The following RAB38 variants were observed in gnomAD, a reference collection of about 807,000 sequenced individuals.
RAB38 encodes RAB38, member RAS oncogene family.
In RAB38, 15 loss-of-function variants were observed where a neutral mutation model predicts 18.4. That is an observed-to-expected ratio of 0.82 (90% CI 0.55 to 1.26). The LOEUF (loss-of-function observed/expected upper bound fraction) is 1.26, where lower values mean the gene tolerates loss of function less well. Among genes scored for constraint, RAB38 ranks in the 50% most tolerant of loss-of-function variants. The pLI is 0.00. For missense variants in RAB38, 294 were observed against 267.4 expected (o/e 1.10, Z -0.69); for synonymous variants, 101 against 104.4 (o/e 0.97, Z 0.20).
chr11:87,835,642 TAGTC>T, the RAB38 span, among the ~76,000 whole-genome samples: 1 of 152,148 alleles, frequency 6.6e-6, no homozygotes, highest in East Asian at 1.9e-4. Context: ...AATTTTGTCA[TAGTC>T]ATATACAGAG....
the RAB38 span, among the ~76,000 whole-genome samples, chr11:88,037,499 C>T: frequency 6.6e-6 from 1 of 152,014 alleles, no homozygotes; most frequent in African/African-American, 2.4e-5. Context: ...CTTGGAAGTG[C>T]ACTTTTATAA....
At chr11:87,934,389 A>C in the RAB38 span, among the ~76,000 whole-genome samples, 1 of 152,150 alleles carries the variant, frequency 6.6e-6, no homozygotes, top group Non-Finnish European at 1.5e-5. Context: ...ATGTCATCAT[A>C]ACAGATTGGA....
intron 2 of RAB38, among the ~76,000 whole-genome samples, chr11:88,137,603 G>T (rs1420418472): frequency 1.3e-5 from 2 of 152,098 alleles, no homozygotes; most frequent in Non-Finnish European, 2.9e-5. Context: ...CACCAAACTA[G>T]GAGTTTCATA....
At chr11:87,974,917 G>C in the RAB38 span, among the ~76,000 whole-genome samples, 1 of 151,770 alleles carries the variant, frequency 6.6e-6, no homozygotes. Flanking sequence ...CCACAAACTG[G>C]GTGGCTTAAC....
At chr11:88,008,998 C>A in the RAB38 span, among the ~76,000 whole-genome samples, 15 of 152,076 alleles carry the variant, frequency 9.9e-5, no homozygotes, top group African/African-American at 3.4e-4. Context: ...AGTAAACAAA[C>A]GTGGTCTCTA....
the RAB38 span, among the ~76,000 whole-genome samples, chr11:87,844,809 T>A: frequency 6.6e-6 from 1 of 152,122 alleles, no homozygotes; most frequent in African/African-American, 2.4e-5. Context: ...CGAGCAAATA[T>A]GCATGGGACA....
At chr11:88,118,646 C>T (rs1209945985) in intron 2 of RAB38, among the ~76,000 whole-genome samples, 2 of 152,152 alleles carry the variant, frequency 1.3e-5, no homozygotes, top group African/African-American at 4.8e-5. Context: ...ACTCTGACTT[C>T]CAGGACAGGT....
the RAB38 span, among the ~76,000 whole-genome samples, chr11:88,077,310 A>T: frequency 6.6e-6 from 1 of 152,142 alleles, no homozygotes. Context: ...CCTAAAATTT[A>T]TATGGAATTA....
the RAB38 span, among the ~76,000 whole-genome samples, chr11:88,045,262 C>T: frequency 1.3e-5 from 2 of 152,168 alleles, no homozygotes; most frequent in African/African-American, 4.8e-5. Context: ...CCAAACCCCA[C>T]AACAGGACTT....
At chr11:88,022,169 G>T in the RAB38 span, among the ~76,000 whole-genome samples, 1 of 152,172 alleles carries the variant, frequency 6.6e-6, no homozygotes, top group Non-Finnish European at 1.5e-5. Context: ...TGGTATCCCA[G>T]GGATGTAAGG....
intron 1 of RAB38, among the ~76,000 whole-genome samples, chr11:88,151,232 G>T (rs1040108953): frequency 6.6e-6 from 1 of 152,158 alleles, no homozygotes. Context: ...ATTAATATAT[G>T]CAAAGCACCC....
the RAB38 span, among the ~76,000 whole-genome samples, chr11:87,973,840 T>C: frequency 1.3e-5 from 2 of 151,932 alleles, no homozygotes; most frequent in African/African-American, 2.4e-5. Flanking sequence ...GGTGAACAAC[T>C]TGCTCATTCA....
chr11:87,945,680 C>T, the RAB38 span, among the ~76,000 whole-genome samples: 5 of 152,084 alleles, frequency 3.3e-5, no homozygotes, highest in Non-Finnish European at 7.4e-5. Flanking sequence ...GGAAATCAAC[C>T]AGCATAAGCT....
At chr11:88,023,713 C>A in the RAB38 span, among the ~76,000 whole-genome samples, 1 of 152,024 alleles carries the variant, frequency 6.6e-6, no homozygotes, top group African/African-American at 2.4e-5. Flanking sequence ...ACCAAAGGAA[C>A]AGAATAGAGA....
At chr11:87,880,546 A>G in the RAB38 span, among the ~76,000 whole-genome samples, 1 of 151,802 alleles carries the variant, frequency 6.6e-6, no homozygotes, top group Non-Finnish European at 1.5e-5. Context: ...TGCCACATTC[A>G]GCCTAGAATA....
chr11:87,896,037 A>G, the RAB38 span, among the ~76,000 whole-genome samples: 1 of 151,692 alleles, frequency 6.6e-6, no homozygotes, highest in Non-Finnish European at 1.5e-5. Flanking sequence ...TTAAAATGTT[A>G]TTTATTTGGA....
chr11:88,153,671 A>G (rs61909939), intron 1 of RAB38, among the ~76,000 whole-genome samples: 37,452 of 152,212 alleles, frequency 0.25, 4,661 homozygotes, highest in Admixed American at 0.27. Context: ...ATCACCTCTG[A>G]CACCTAAGAA....
chr11:87,931,711 T>A, the RAB38 span, among the ~76,000 whole-genome samples: 1 of 152,246 alleles, frequency 6.6e-6, no homozygotes, highest in South Asian at 2.1e-4. Context: ...AATATATGTG[T>A]TAAATTAACA....
chr11:87,949,989 G>T, the RAB38 span, among the ~76,000 whole-genome samples: 30 of 152,254 alleles, frequency 2.0e-4, no homozygotes, highest in East Asian at 5.4e-3. Context: ...TGACAGTGGG[G>T]TGTTAAAGTC....
Sources: allele counts gnomAD v4.1 joint callset (sites outside exome capture counted in the v4.1 genomes callset), GRCh38; gene constraint gnomAD v4.1.1; transcripts MANE v1.5; gene names NCBI Gene and HGNC (gene_info 2026-07-23, HGNC 2026-07-21).